The following MCM5 variants were observed in gnomAD, a reference collection of about 807,000 sequenced individuals.
MCM5 encodes the protein DNA replication licensing factor MCM5.
Under a neutral mutation model 79.9 loss-of-function variants are expected in MCM5, and 46 were observed. That is an observed-to-expected ratio of 0.58 (90% CI 0.45 to 0.74). The LOEUF is 0.74. Ranked by LOEUF, MCM5 falls within the 30% of genes least tolerant of loss-of-function variation. The pLI is 0.00. For missense variants in MCM5, 883 were observed against 1,017.0 expected (o/e 0.87, Z 1.79); for synonymous variants, 404 against 390.5 (o/e 1.03, Z -0.41).
At chr22:35,429,230 C>T (rs1016156835), downstream of MCM5, among the ~76,000 whole-genome samples, 1 of 151,950 alleles carries the variant, frequency 6.6e-6, no homozygotes, top group Non-Finnish European at 1.5e-5. Context: ...AGGTGATCCA[C>T]CTGCCTCGGC....
downstream of MCM5, among the ~76,000 whole-genome samples, chr22:35,428,554 A>C (rs1932792161): frequency 6.6e-6 from 1 of 152,056 alleles, no homozygotes; most frequent in Non-Finnish European, 1.5e-5. Context: ...CTATCTACAT[A>C]TGTAGATAGT....
intron 15 of MCM5, 83 bp downstream of exon 15, chr22:35,421,543 G>A: frequency 6.4e-7 from 1 of 1,573,118 alleles, no homozygotes; most frequent in Non-Finnish European, 8.7e-7. Context: ...GGCCTGCTGG[G>A]GGCCTGCAGT....
Position 35,421,473 on chromosome 22 carries a change from AG to A in MCM5, c.1975+17del. On this transcript the variant is annotated intron_variant, in intron 15 of 16. Transcript: ENST00000216122. ...GGTACCCTGTCAGGTGAGCAGATGC[AG>A]GGGCCATGGTCTCAATTGATCTGGG... 1 of 1,613,936 alleles carries A rather than the reference AG, an allele frequency of 6.2e-7. No homozygotes were observed. The highest frequency in any genetic ancestry group is 8.5e-7 in the Non-Finnish European group (1 of 1,180,012).
At chr22:35,451,702 C>A in the MCM5 span, among the ~76,000 whole-genome samples, 1 of 152,244 alleles carries the variant, frequency 6.6e-6, no homozygotes. Context: ...CAGAAGCAGA[C>A]ATGGGCCCTC....
chr22:35,452,004 C>T, the MCM5 span, among the ~76,000 whole-genome samples: 2 of 152,176 alleles, frequency 1.3e-5, no homozygotes, highest in African/African-American at 2.4e-5. Flanking sequence ...CGCACCTGGG[C>T]CCCCACCTGC....
At position 35,416,748 on chromosome 22, in the gene MCM5, C is replaced by A; in HGVS notation, c.1524C>A (p.Pro508=). The part of the protein sequence containing the change: ...TKGEDNIDFM[P]TILSRFDMIF... Reference sequence around the variant, plus strand: ...GGGAGGACAACATTGACTTCATGCCCACCATCTTGTCGCGCTTCGACATGA... The same window carrying A: ...GGGAGGACAACATTGACTTCATGCCAACCATCTTGTCGCGCTTCGACATGA... Residue 508 remains proline (P), a synonymous_variant, in exon 12 of 17, where the codon CCC becomes CCA. Coordinates refer to ENST00000216122, the MANE Select transcript of MCM5 (RefSeq NM_006739.4). 6.2e-7 allele frequency: 1 copy of A among 1,614,144 alleles called. No homozygotes were observed. The highest frequency in any genetic ancestry group is 2.2e-5 in the East Asian group (1 of 44,880).
chr22:35,413,297 G>A (rs2145793188), intron 8 of MCM5, among the ~76,000 whole-genome samples: 1 of 152,302 alleles, frequency 6.6e-6, no homozygotes, highest in East Asian at 1.9e-4. Context: ...GCCCGCCTCG[G>A]CCTCCCAAAG....
intron 15 of MCM5, chr22:35,421,823 C>A (rs887702324): frequency 2.9e-6 from 1 of 344,810 alleles, no homozygotes; most frequent in African/African-American, 2.1e-5. Flanking sequence ...ACAGCTGCCC[C>A]CTGGAAGCCA....
Position 35,417,882 on chromosome 22 carries a change from G to C in MCM5, c.1703+26G>C. On this transcript the variant is annotated intron_variant, in intron 13 of 16. Coordinates refer to ENST00000216122, the MANE Select transcript of MCM5 (RefSeq NM_006739.4). ...GTGAGTCCTGGACGCAGGCCCACGG[G>C]GGTGAGGTTGCCCAGCTTCCCTGGG... 3 of 1,570,196 alleles carry C rather than the reference G, an allele frequency of 1.9e-6. No homozygotes were observed. The South Asian group carries it at 3.3e-5, about 17-fold the overall frequency.
At chr22:35,400,735 A>G in intron 2 of MCM5, 130 bp downstream of exon 2, 1 of 981,464 alleles carries the variant, frequency 1.0e-6, no homozygotes, top group Non-Finnish European at 1.5e-6. Context: ...GTCCTGGGTC[A>G]CAGGGCTCAT....
chr22:35,442,307 CG>C, the MCM5 span, among the ~76,000 whole-genome samples: 8 of 151,534 alleles, frequency 5.3e-5, no homozygotes, highest in Admixed American at 5.3e-4. Flanking sequence ...CTCTGCTCTT[CG>C]GCCTAGGGGG....
At position 35,419,966 on chromosome 22, in the gene MCM5, C is replaced by T. The variant is rs1932652788; in HGVS notation, c.1786C>T (p.His596Tyr). The stretch of plus-strand genomic sequence containing the variant: ...CATCATGCGGAGCGGGGCCCGTCAG[C>T]ACGAGAGGGACAGTGACCGCCGCTC... ...YIIMRSGARQ[H>Y]ERDSDRRSSI... Residue 596 changes from histidine (H) to tyrosine (Y), a missense_variant, in exon 14 of 17, where the codon CAC becomes TAC. Around this residue, in one of 3 missense-constraint regions of MCM5, gnomAD observed 426 missense variants for 482.3 expected, o/e 0.88. Transcript: ENST00000216122. 1 of 1,613,000 alleles carries T rather than the reference C, an allele frequency of 6.2e-7. No homozygotes were observed. The highest frequency in any genetic ancestry group is 1.1e-5 in the South Asian group (1 of 90,874).
At chr22:35,410,646 C>T (rs770780584) in intron 6 of MCM5, 98 bp from the exon 7 acceptor site, 4 of 1,212,108 alleles carry the variant, frequency 3.3e-6, no homozygotes, top group Non-Finnish European at 4.9e-6. Flanking sequence ...AAAAATGCTG[C>T]AGTGGACCCT....
At chr22:35,409,195 C>T (rs1777200725) in intron 6 of MCM5, among the ~76,000 whole-genome samples, 1 of 152,198 alleles carries the variant, frequency 6.6e-6, no homozygotes, top group Admixed American at 6.5e-5. Flanking sequence ...GATCTCCTGA[C>T]CTCATGATCC....
chr22:35,445,928 C>T, the MCM5 span, among the ~76,000 whole-genome samples: 8 of 152,238 alleles, frequency 5.3e-5, no homozygotes, highest in African/African-American at 1.7e-4. Flanking sequence ...TGGTACTTCT[C>T]AGTCGGGTCA....
chr22:35,442,525 G>A, the MCM5 span, among the ~76,000 whole-genome samples: 1 of 152,126 alleles, frequency 6.6e-6, no homozygotes. Flanking sequence ...GGAAGCTCTG[G>A]GGAGAATCAG....
At chr22:35,407,229 C>T (rs1486436987) in intron 5 of MCM5, among the ~76,000 whole-genome samples, 1 of 152,156 alleles carries the variant, frequency 6.6e-6, no homozygotes, top group Non-Finnish European at 1.5e-5. Context: ...GGAACCCCAC[C>T]CTCTTCACTG....
At chr22:35,454,326 AT>A in the MCM5 span, among the ~76,000 whole-genome samples, 1 of 152,026 alleles carries the variant, frequency 6.6e-6, no homozygotes. Flanking sequence ...TCCTGGGGAA[AT>A]TTGTTGCCCT....
chr22:35,425,034 C>G lies in MCM5; in HGVS notation c.*779C>G, dbSNP rs367732380. ...GTGTGGCCTTGGGCGAGACATTTCA[C>G]TTTTCTGTGCCTGAGTTTATCAGTA... On this transcript the variant is annotated 3_prime_UTR_variant, in exon 17 of 17. Coordinates refer to ENST00000216122, the MANE Select transcript of MCM5 (RefSeq NM_006739.4). 6 of 152,208 alleles carry G rather than the reference C, an allele frequency of 3.9e-5. No individual in the cohort carries two copies. Among genetic ancestry groups the G allele is most frequent in the Admixed American group, 3.9e-4 (6 of 15,278 alleles). The allele number at this position is 152,208 out of a possible 1,614,324, so 9.4% of individuals were successfully genotyped here.
Sources: allele counts gnomAD v4.1 joint callset (sites outside exome capture counted in the v4.1 genomes callset), GRCh38; gene constraint gnomAD v4.1.1; regional missense constraint gnomAD v4.1.1; transcripts MANE v1.5; gene names NCBI Gene and HGNC (gene_info 2026-07-23, HGNC 2026-07-21).